The following CNTLN variants were observed in gnomAD, a reference collection of about 807,000 sequenced individuals.
CNTLN encodes the protein centlein.
In CNTLN, 212 loss-of-function variants were observed where a neutral mutation model predicts 180.0. That is an observed-to-expected ratio of 1.18 (90% CI 1.05 to 1.32). CNTLN has a LOEUF of 1.32. Among genes scored for constraint, CNTLN ranks in the 40% most tolerant of loss-of-function variants. CNTLN has a pLI of 0.00. For synonymous variants in CNTLN, 722 were observed against 563.1 expected, an observed-to-expected ratio of 1.28 and a Z score of -3.99; for missense variants, 2,095 against 1,610.9, an observed-to-expected ratio of 1.30 and a Z score of -5.14.
chr9:17,480,015 T>G (rs1832556254), intron 23 of CNTLN, among the ~76,000 whole-genome samples: 1 of 152,262 alleles, frequency 6.6e-6, no homozygotes, highest in Admixed American at 6.5e-5. Flanking sequence ...AAATCAATCA[T>G]GGTGCATATA....
At chr9:17,433,252 A>G (rs1007589355) in intron 18 of CNTLN, among the ~76,000 whole-genome samples, 1 of 151,946 alleles carries the variant, frequency 6.6e-6, no homozygotes, top group African/African-American at 2.4e-5. Flanking sequence ...GATAGATAAC[A>G]TATCAAGTTA....
chr9:17,409,386 G>C lies in CNTLN; in HGVS notation c.2709G>C (p.Gln903His), dbSNP rs1207114653. 1.9e-6 allele frequency: 3 copies of C among 1,613,182 alleles called. No individual in the cohort carries two copies. The highest frequency in any genetic ancestry group is 2.5e-6 in the Non-Finnish European group (3 of 1,179,500). Reference protein sequence around the residue: ...KISPTEDGKDQKESDPTEDSQ... With the variant: ...KISPTEDGKDHKESDPTEDSQ... ...GTCCTACGGAAGATGGAAAAGACCA[G>C]AAAGAAAGTGATCCAACAGAAGACA... Residue 903 changes from glutamine (Q) to histidine (H), a missense_variant, in exon 16 of 26, where the codon CAG becomes CAC. Physicochemically the swap from Gln to His is conservative, Grantham distance 24. Coordinates refer to ENST00000380647, the MANE Select transcript of CNTLN (RefSeq NM_017738.4).
At chr9:17,359,717 TAAAAATACAAAAAAA>T (rs1274008608) in intron 12 of CNTLN, among the ~76,000 whole-genome samples, 5 of 13,498 alleles carry the variant, frequency 3.7e-4, no homozygotes, top group East Asian at 3.0e-3. Flanking sequence ...CCGTCTATAC[TAAAAATACAAAAAAA>T]AAAAAAAAAA....
chr9:17,184,392 A>G (rs570756558), intron 2 of CNTLN, among the ~76,000 whole-genome samples: 3 of 152,172 alleles, frequency 2.0e-5, no homozygotes, highest in Non-Finnish European at 2.9e-5. Context: ...ATCAGAAGCA[A>G]TTGTATTTTA....
At chr9:17,522,059 C>T in the CNTLN span, among the ~76,000 whole-genome samples, 1 of 152,112 alleles carries the variant, frequency 6.6e-6, no homozygotes, top group East Asian at 1.9e-4. Context: ...TACCCCCACC[C>T]CACCTGTATG....
intron 2 of CNTLN, among the ~76,000 whole-genome samples, chr9:17,215,235 T>C (rs1823652291): frequency 6.6e-6 from 1 of 152,220 alleles, no homozygotes; most frequent in Non-Finnish European, 1.5e-5. Flanking sequence ...GGTTTTGGTG[T>C]GGATGTCCTT....
intron 18 of CNTLN, among the ~76,000 whole-genome samples, chr9:17,435,754 G>T (rs1268820780): frequency 6.6e-6 from 1 of 152,042 alleles, no homozygotes; most frequent in Non-Finnish European, 1.5e-5. Context: ...GTAGAGACAG[G>T]GTTTCACCAC....
At chr9:17,227,131 A>G (rs944085966) in intron 3 of CNTLN, among the ~76,000 whole-genome samples, 43 of 151,548 alleles carry the variant, frequency 2.8e-4, no homozygotes, top group Admixed American at 2.6e-3. Context: ...CTCACTCCCT[A>G]TGCAAAATCA....
chr9:17,376,095 C>A (rs1396903217), intron 13 of CNTLN, among the ~76,000 whole-genome samples: 1 of 152,074 alleles, frequency 6.6e-6, no homozygotes, highest in East Asian at 1.9e-4. Flanking sequence ...ATATTTGAAC[C>A]CCTCCATTTA....
intron 14 of CNTLN, among the ~76,000 whole-genome samples, chr9:17,392,907 A>G (rs889343770): frequency 3.9e-5 from 6 of 151,954 alleles, no homozygotes; most frequent in Admixed American, 3.3e-4. Context: ...AGTAAACTGG[A>G]AAGTGTTAAG....
chr9:17,465,544 C>CTATA (rs142046692), intron 21 of CNTLN, among the ~76,000 whole-genome samples: 1 of 148,442 alleles, frequency 6.7e-6, no homozygotes, highest in Non-Finnish European at 1.5e-5. Flanking sequence ...TATAAATAAG[C>CTATA]TATATATATA....
At chr9:17,236,319 A>G (rs1587280420) in intron 4 of CNTLN, 90 bp from the exon 5 acceptor site, 7 of 1,096,876 alleles carry the variant, frequency 6.4e-6, no homozygotes, top group African/African-American at 1.6e-5. Context: ...AAAACTGCAC[A>G]GTTTGTATTT....
At chr9:17,516,904 A>T in the CNTLN span, among the ~76,000 whole-genome samples, 1 of 152,216 alleles carries the variant, frequency 6.6e-6, no homozygotes, top group African/African-American at 2.4e-5. Context: ...CCTGACACAT[A>T]GTAAGGATCA....
intron 13 of CNTLN, among the ~76,000 whole-genome samples, chr9:17,385,922 C>T (rs1825652053): frequency 6.6e-6 from 1 of 152,168 alleles, no homozygotes; most frequent in Non-Finnish European, 1.5e-5. Flanking sequence ...TATTGTATCA[C>T]AAGTACCTTC....
chr9:17,302,615 TAA>T (rs56022102), intron 7 of CNTLN, among the ~76,000 whole-genome samples: 24,899 of 152,166 alleles, frequency 0.16, 2,194 homozygotes, highest in South Asian at 0.28. Context: ...CAGTAAACGT[TAA>T]GTTACTGAAA....
chr9:17,506,905 C>T (rs527668329), downstream of CNTLN, among the ~76,000 whole-genome samples: 2 of 151,994 alleles, frequency 1.3e-5, no homozygotes, highest in Admixed American at 6.6e-5. Flanking sequence ...TCAATGCATG[C>T]GTACATTGGG....
chr9:17,148,445 T>TC (rs1270018508), intron 2 of CNTLN, among the ~76,000 whole-genome samples: 1 of 152,206 alleles, frequency 6.6e-6, no homozygotes, highest in Non-Finnish European at 1.5e-5. Flanking sequence ...TAAAGATACT[T>TC]CATTTATTGT....
At chr9:17,253,078 A>T (rs550690972) in intron 5 of CNTLN, among the ~76,000 whole-genome samples, 1 of 151,522 alleles carries the variant, frequency 6.6e-6, no homozygotes, top group Non-Finnish European at 1.5e-5. Flanking sequence ...TCAGTCAGCT[A>T]TGAATTGGTG....
intron 5 of CNTLN, among the ~76,000 whole-genome samples, chr9:17,266,620 T>G (rs11543983): frequency 6.6e-6 from 1 of 151,878 alleles, no homozygotes; most frequent in Non-Finnish European, 1.5e-5. Flanking sequence ...GTTGATCTGT[T>G]TAGTGTTGAC....
Sources: gnomAD v4.1 joint callset for allele counts (sites outside exome capture counted in the v4.1 genomes callset) on GRCh38, gnomAD v4.1.1 for gene constraint, MANE v1.5 for transcripts, NCBI Gene and HGNC (gene_info 2026-07-23, HGNC 2026-07-21) for gene names.